NCAM1: variants seen among roughly 807,000 people sequenced by gnomAD.
NCAM1 encodes the protein antigen recognized by monoclonal antibody 5.1H11.
In NCAM1, 14 loss-of-function variants were observed where a neutral mutation model predicts 109.8. The observed-to-expected ratio is 0.13, with a 90% CI of 0.08 to 0.20. NCAM1 has a LOEUF of 0.20. Ranked by LOEUF, NCAM1 falls within the 10% of genes least tolerant of loss-of-function variation. The pLI, the probability that NCAM1 is intolerant of heterozygous loss-of-function variation, is 1.00. For synonymous variants in NCAM1, 418 were observed against 442.9 expected, an observed-to-expected ratio of 0.94 and a Z score of 0.70; for missense variants, 774 against 1,109.9, an observed-to-expected ratio of 0.70 and a Z score of 4.30.
chr11:113,258,747 A>G (rs1203788942), intron 16 of NCAM1, among the ~76,000 whole-genome samples: 1 of 152,240 alleles, frequency 6.6e-6, no homozygotes, highest in African/African-American at 2.4e-5. Context: ...AAATTATCAC[A>G]TGTACCCTGA....
chr11:113,186,247 G>T (rs891013351), intron 1 of NCAM1, among the ~76,000 whole-genome samples: 3 of 152,206 alleles, frequency 2.0e-5, no homozygotes, highest in Non-Finnish European at 4.4e-5. Flanking sequence ...CCTGAGCTCT[G>T]CCTCCTGTCA....
At chr11:113,259,561 G>A (rs1159358674) in intron 16 of NCAM1, among the ~76,000 whole-genome samples, 1 of 152,156 alleles carries the variant, frequency 6.6e-6, no homozygotes, top group Non-Finnish European at 1.5e-5. Context: ...ATGCCCTGAA[G>A]GTGATGGGAC....
chr11:113,266,968 T>A, intron 17 of NCAM1, among the ~76,000 whole-genome samples: 1 of 152,146 alleles, frequency 6.6e-6, no homozygotes, highest in East Asian at 1.9e-4. Context: ...CCTTACAGCG[T>A]CCCTGCCAAG....
intron 1 of NCAM1, among the ~76,000 whole-genome samples, chr11:113,022,985 C>T (rs1952434574): frequency 6.6e-6 from 1 of 152,186 alleles, no homozygotes; most frequent in Admixed American, 6.5e-5. Context: ...CACCTTACCA[C>T]ACCCACTGCA....
At chr11:113,061,336 G>T (rs533118593) in intron 1 of NCAM1, among the ~76,000 whole-genome samples, 1 of 152,236 alleles carries the variant, frequency 6.6e-6, no homozygotes, top group East Asian at 1.9e-4. Context: ...GTACTTAACT[G>T]GAGGTTCCTT....
chr11:113,148,153 C>A (rs1942087709), intron 1 of NCAM1, among the ~76,000 whole-genome samples: 1 of 152,144 alleles, frequency 6.6e-6, no homozygotes, highest in Non-Finnish European at 1.5e-5. Context: ...ACCTAGGGAC[C>A]TAGGGACGAC....
At chr11:113,231,604 C>T (rs1945008392) in intron 9 of NCAM1, 41 bp from the exon 10 acceptor site, 2 of 1,602,074 alleles carry the variant, frequency 1.2e-6, no homozygotes, top group East Asian at 2.2e-5. Context: ...TTCACCCTGC[C>T]TTGGGCTCTG....
At chr11:113,068,724 C>T (rs782267815) in intron 1 of NCAM1, among the ~76,000 whole-genome samples, 2 of 151,856 alleles carry the variant, frequency 1.3e-5, no homozygotes, top group Non-Finnish European at 2.9e-5. Flanking sequence ...CGAAACCAGG[C>T]CCTGCTTGTG....
At chr11:112,991,986 T>G (rs1951468877) in intron 1 of NCAM1, among the ~76,000 whole-genome samples, 1 of 152,282 alleles carries the variant, frequency 6.6e-6, no homozygotes, top group Non-Finnish European at 1.5e-5. Flanking sequence ...TATATTATTT[T>G]TATTGTTGAA....
In NCAM1 at chr11:113,000,578, G is replaced by A. The variant is rs566461997; in HGVS notation, c.52+38914G>A. On this transcript the variant is annotated intron_variant, in intron 1 of 19. Coordinates refer to ENST00000316851, the MANE Select transcript of NCAM1 (RefSeq NM_181351.5). Reference sequence around the variant, plus strand: ...TTAAATATGGTGAATTCAGGTTGAAGAGATATAATACATGACTACGTGAAT... The same window carrying A: ...TTAAATATGGTGAATTCAGGTTGAAAAGATATAATACATGACTACGTGAAT... Among the ~76,000 whole-genome samples, 4 of 152,086 alleles carry A rather than the reference G, an allele frequency of 2.6e-5. No homozygotes were observed. The East Asian group carries it at 7.7e-4, about 29-fold the overall frequency.
chr11:113,202,765 A>G (rs1468097017), intron 2 of NCAM1, among the ~76,000 whole-genome samples: 3 of 152,228 alleles, frequency 2.0e-5, no homozygotes, highest in East Asian at 3.8e-4. Flanking sequence ...TATTCTGTAT[A>G]CATTCAGAGT....
chr11:113,116,891 C>T (rs1436687786), intron 1 of NCAM1, among the ~76,000 whole-genome samples: 3 of 151,802 alleles, frequency 2.0e-5, no homozygotes, highest in Non-Finnish European at 4.4e-5. Context: ...GGTGAGATTT[C>T]ATAGAAAAAT....
At chr11:113,221,796 T>G (rs1944700964) in intron 9 of NCAM1, 1 of 154,758 alleles carries the variant, frequency 6.5e-6, no homozygotes, top group Non-Finnish European at 1.4e-5. Context: ...AATTATCACA[T>G]CACGTTTCAT....
At chr11:113,159,142 A>G (rs1942514650) in intron 1 of NCAM1, among the ~76,000 whole-genome samples, 1 of 152,208 alleles carries the variant, frequency 6.6e-6, no homozygotes, top group East Asian at 1.9e-4. Flanking sequence ...CACAAGATTA[A>G]TCATCTAATA....
chr11:113,166,947 T>C (rs1555105388), intron 1 of NCAM1, among the ~76,000 whole-genome samples: 1 of 152,230 alleles, frequency 6.6e-6, no homozygotes, highest in Non-Finnish European at 1.5e-5. Context: ...ATAGAATCAC[T>C]CACTCGTTCA....
chr11:113,025,778 C>CGAGAGAGA lies in NCAM1; in HGVS notation c.52+64152_52+64159dup, dbSNP rs199893109. Among the ~76,000 whole-genome samples, 449 of 118,800 alleles carry CGAGAGAGA rather than the reference C, an allele frequency of 3.8e-3. 4 individuals carry two copies. Among genetic ancestry groups the CGAGAGAGA allele is most frequent in the Middle Eastern group, 0.011 (2 of 182 alleles). The allele number at this position is 118,800 out of a possible 152,430, so 77.9% of individuals were successfully genotyped here. ...ATGAGATTGGAACGACACAGGGAGC[C>CGAGAGAGA]GAGAGAGAGAGAGAGAGAGAGAGAG... On this transcript the variant is annotated intron_variant, in intron 1 of 19. Coordinates refer to ENST00000316851, the MANE Select transcript of NCAM1 (RefSeq NM_181351.5).
chr11:113,005,831 A>G (rs1951880752), intron 1 of NCAM1, among the ~76,000 whole-genome samples: 1 of 152,228 alleles, frequency 6.6e-6, no homozygotes, highest in Admixed American at 6.5e-5. Context: ...TTTCAAGCAC[A>G]TTAAAACATA....
At chr11:113,123,601 A>G (rs930503054) in intron 1 of NCAM1, among the ~76,000 whole-genome samples, 1 of 152,014 alleles carries the variant, frequency 6.6e-6, no homozygotes, top group Non-Finnish European at 1.5e-5. Flanking sequence ...GGTACCCCTG[A>G]CTGGTGGTGG....
chr11:113,188,812 G>GGT (rs146449858), intron 1 of NCAM1, among the ~76,000 whole-genome samples: 14 of 150,856 alleles, frequency 9.3e-5, no homozygotes, highest in East Asian at 5.9e-4. Flanking sequence ...TGAGGAAGGT[G>GGT]GTGTGTGTGT....
Sources: allele counts gnomAD v4.1 joint callset (sites outside exome capture counted in the v4.1 genomes callset), GRCh38; gene constraint gnomAD v4.1.1; transcripts MANE v1.5; gene names NCBI Gene and HGNC (gene_info 2026-07-23, HGNC 2026-07-21).